BEGAIN: variants seen among roughly 807,000 people sequenced by gnomAD.
The protein encoded by BEGAIN is brain enriched guanylate kinase associated, also known as brain-enriched guanylate kinase-associated protein.
A neutral mutation model predicts 35.8 loss-of-function variants in BEGAIN; 19 were observed. The observed-to-expected ratio is 0.53, with a 90% confidence interval of 0.37 to 0.78. The LOEUF (loss-of-function observed/expected upper bound fraction) is 0.78. Among genes scored for constraint, BEGAIN ranks in the 30% least tolerant of loss-of-function variants. BEGAIN has a pLI of 0.00. For missense variants in BEGAIN, 795 were observed against 853.6 expected (o/e 0.93, Z 0.85); for synonymous variants, 462 against 388.6 (o/e 1.19, Z -2.22).
At chr14:100,539,463 CA>C (rs1467247163) in intron 6 of BEGAIN, 148 bp from the exon 7 acceptor site, 7 of 1,393,550 alleles carry the variant, frequency 5.0e-6, no homozygotes, top group South Asian at 1.5e-5. Flanking sequence ...CAAATCACAC[CA>C]GGGGGAGCCT....
chr14:100,562,250 G>T (rs1398901591), intron 2 of BEGAIN, among the ~76,000 whole-genome samples: 2 of 152,052 alleles, frequency 1.3e-5, no homozygotes, highest in Non-Finnish European at 2.9e-5. Context: ...CAGGTGGCCA[G>T]CCCCATCCCC....
chr14:100,571,408 C>CG (rs2035077556), intron 1 of BEGAIN, among the ~76,000 whole-genome samples: 1 of 152,154 alleles, frequency 6.6e-6, no homozygotes, highest in South Asian at 2.1e-4. Context: ...GAGGGCCGCC[C>CG]GGGTCAGAAA....
chr14:100,580,983 A>G lies in BEGAIN; in HGVS notation c.42+6266T>C, dbSNP rs568229388. Among the ~76,000 whole-genome samples the G allele has an allele frequency of 4.3e-4, 65 of 152,108 alleles. 3 individuals are homozygous for G. Among genetic ancestry groups the G allele is most frequent in the African/African-American group, 1.3e-3 (54 of 41,494 alleles). On this transcript the variant is annotated intron_variant, in intron 1 of 6. Transcript: ENST00000554140. ...TATGGTCCCCGACAGTCGCCCCTCTACACCCGGACAGCCCTTCCCCAGCAG... is the reference window on the plus strand; with the variant it reads ...TATGGTCCCCGACAGTCGCCCCTCTGCACCCGGACAGCCCTTCCCCAGCAG...
rs985849872 is a variant in BEGAIN at position 100,587,396 on chromosome 14, C to A, written c.-106G>T. 1 of 145,978 alleles carries A rather than the reference C, an allele frequency of 6.9e-6. No homozygotes were observed. Among genetic ancestry groups the A allele is most frequent in the Admixed American group, 6.8e-5 (1 of 14,688 alleles). 9.0% of individuals were successfully genotyped at this position (145,978 alleles called of 1,614,324 possible). On this transcript the variant is annotated 5_prime_UTR_variant, in exon 1 of 7. Coordinates refer to ENST00000554140, the MANE Select transcript of BEGAIN (RefSeq NM_001385089.1). ...CGGCGCGGCCGGGGCTCCCCCACCC[C>A]GCCCGGCTTCCCGCAGGGAGCGCCC...
At chr14:100,546,774 G>GCT in intron 2 of BEGAIN, 112 bp from the exon 3 acceptor site, 1 of 756,576 alleles carries the variant, frequency 1.3e-6, no homozygotes. Context: ...GCGCGCGCGC[G>GCT]CGCGCGCACA....
intron 2 of BEGAIN, among the ~76,000 whole-genome samples, chr14:100,554,905 G>A (rs1422906361): frequency 2.0e-5 from 3 of 152,178 alleles, no homozygotes; most frequent in East Asian, 1.9e-4. Context: ...CGCCAGGCAC[G>A]CTGGCCTTCG....
rs1333836925 is a variant in BEGAIN, at chr14:100,546,372, C to A, written c.233+129G>T. On this transcript the variant is annotated intron_variant, in intron 3 of 6. Coordinates refer to ENST00000554140, the MANE Select transcript of BEGAIN (RefSeq NM_001385089.1). ...CCTCGCCCCGCCCCGGCCCTCGCCC[C>A]GCCCCGGCCCTCGCCCCGCCCCGGC... The A allele has an allele frequency of 1.4e-5, 2 of 145,304 alleles. 1 individual carries two copies. The highest frequency in any genetic ancestry group is 7.5e-5 in the African/African-American group (2 of 26,742). 9.0% of individuals were successfully genotyped at this position (145,304 alleles called of 1,614,324 possible).
chr14:100,584,072 ACCCATGCATCCCC>A (rs2035384162), intron 1 of BEGAIN, among the ~76,000 whole-genome samples: 1 of 151,818 alleles, frequency 6.6e-6, no homozygotes, highest in Admixed American at 6.6e-5. Context: ...AGTATCATCC[ACCCATGCATCCCC>A]TTCAGCATGC....
intron 6 of BEGAIN, chr14:100,540,073 G>A: frequency 5.8e-6 from 1 of 171,964 alleles, no homozygotes; most frequent in South Asian, 1.5e-4. Flanking sequence ...TCTGCTACCT[G>A]CCTGCCACGT....
At chr14:100,552,794 G>A (rs986022073) in intron 2 of BEGAIN, among the ~76,000 whole-genome samples, 3 of 152,356 alleles carry the variant, frequency 2.0e-5, no homozygotes, top group East Asian at 3.9e-4. Flanking sequence ...ACTTCCAGCT[G>A]GGTGCATGGA....
intron 2 of BEGAIN, among the ~76,000 whole-genome samples, chr14:100,550,772 C>T (rs900521583): frequency 7.2e-5 from 11 of 152,336 alleles, no homozygotes; most frequent in African/African-American, 2.4e-4. Context: ...TCAGCGGTGG[C>T]ACTGAGTCCC....
chr14:100,579,955 G>A (rs1001804837), intron 1 of BEGAIN, among the ~76,000 whole-genome samples: 1 of 152,208 alleles, frequency 6.6e-6, no homozygotes, highest in Non-Finnish European at 1.5e-5. Context: ...TGCCTCCTGA[G>A]TCGATGCGGA....
At chr14:100,557,955 G>A (rs1301313497) in intron 2 of BEGAIN, among the ~76,000 whole-genome samples, 2 of 152,018 alleles carry the variant, frequency 1.3e-5, no homozygotes, top group South Asian at 2.1e-4. Flanking sequence ...CCCGACACCC[G>A]GTGCCGCCCA....
intron 1 of BEGAIN, chr14:100,569,529 C>G (rs1239628814): frequency 1.3e-5 from 2 of 152,780 alleles, no homozygotes; most frequent in African/African-American, 4.8e-5. Flanking sequence ...GGCACTGGAG[C>G]CTGTCTTTCC....
In BEGAIN at chr14:100,568,265, G is replaced by T; in HGVS notation, c.43-326C>A. On this transcript the variant is annotated intron_variant, in intron 1 of 6. Transcript: ENST00000554140. This position sits in a 1 kb window ranked among gnomAD's most constrained non-coding sequence, Gnocchi z 7.5. ...GGCCTCGCCCGGAGGAGGGGGACTC[G>T]GCCTGTCCCCGTTAACTCTCCGGCG... 1.5e-6 allele frequency: 1 copy of T among 651,604 alleles called. No individual in the cohort carries two copies. The highest frequency in any genetic ancestry group is 2.2e-6 in the Non-Finnish European group (1 of 447,682). The allele number at this position is 651,604 out of a possible 1,614,324, so 40.4% of individuals were successfully genotyped here.
At chr14:100,583,998 C>T (rs528276614) in intron 1 of BEGAIN, among the ~76,000 whole-genome samples, 42 of 152,332 alleles carry the variant, frequency 2.8e-4, no homozygotes, top group African/African-American at 1.0e-3. Flanking sequence ...TGCGCCCAGC[C>T]TATCCCTCTA....
intron 1 of BEGAIN, among the ~76,000 whole-genome samples, chr14:100,583,691 C>CTTTTTTTTTTTTTTTTTT (rs372001135): frequency 1.9e-5 from 1 of 53,894 alleles, no homozygotes; most frequent in Non-Finnish European, 4.3e-5. Context: ...CGTTTTTCTT[C>CTTTTTTTTTTTTTTTTTT]CTTTTTTTTT....
chr14:100,567,883 G>A lies in BEGAIN; in HGVS notation c.71+28C>T, dbSNP rs1185406158. The A allele has an allele frequency of 1.4e-6, 2 of 1,461,664 alleles. No homozygotes were observed. Among genetic ancestry groups the A allele is most frequent in the Non-Finnish European group, 1.8e-6 (2 of 1,097,516 alleles). 90.5% of individuals were successfully genotyped at this position (1,461,664 alleles called of 1,614,324 possible). A position where few individuals can be genotyped will look rare whatever the true frequency, so the allele number is the denominator to read the frequency against. ...CTCACCCCCGACCCGGCCCCCGCGA[G>A]CCGCGGCACGGGAGACGCTCCACTC... On this transcript the variant is annotated intron_variant, in intron 2 of 6. Coordinates refer to ENST00000554140, the MANE Select transcript of BEGAIN (RefSeq NM_001385089.1). This position sits in a 1 kb window ranked among gnomAD's most constrained non-coding sequence, Gnocchi z 5.1.
chr14:100,567,995 C>CGCCGGGCAGA lies in BEGAIN; in HGVS notation c.43-66_43-57dup, dbSNP rs2034855544. 2.2e-6 allele frequency: 3 copies of CGCCGGGCAGA among 1,383,982 alleles called. No homozygotes were observed. Among genetic ancestry groups the CGCCGGGCAGA allele is most frequent in the Non-Finnish European group, 2.9e-6 (3 of 1,050,970 alleles). The allele number at this position is 1,383,982 out of a possible 1,614,324, so 85.7% of individuals were successfully genotyped here. On this transcript the variant is annotated intron_variant, in intron 1 of 6. Transcript: ENST00000554140. This position sits in a 1 kb window ranked among gnomAD's most constrained non-coding sequence, Gnocchi z 5.1. ...GCAGGAGGCGTGCGCTCCGCGGCCG[C>CGCCGGGCAGA]GCCGGGCAGAGCCGGGCACAGCGGG... is the stretch of plus-strand genomic sequence containing the variant.
Sources: allele counts gnomAD v4.1 joint callset (sites outside exome capture counted in the v4.1 genomes callset), GRCh38; gene constraint gnomAD v4.1.1; non-coding constraint Gnocchi (gnomAD v3.1); transcripts MANE v1.5; gene names NCBI Gene and HGNC (gene_info 2026-07-23, HGNC 2026-07-21).